SPATA6L: variants seen among roughly 807,000 people sequenced by gnomAD.
The protein encoded by SPATA6L is spermatogenesis associated 6-like protein.
In SPATA6L, 68 loss-of-function variants were observed where a neutral mutation model predicts 49.2. The ratio of observed to expected loss-of-function variants is 1.38; its 90% CI spans 1.14 to 1.69. The LOEUF is 1.69. Ranked by LOEUF, SPATA6L falls within the 40% of genes most tolerant of loss-of-function variation. The pLI is 0.00. For synonymous variants in SPATA6L, 198 were observed against 165.7 expected (o/e 1.19, Z -1.50); for missense variants, 668 against 464.3 (o/e 1.44, Z -4.03).
At chr9:4,607,777 C>G in intron 9 of SPATA6L, among the ~76,000 whole-genome samples, 1 of 152,068 alleles carries the variant, frequency 6.6e-6, no homozygotes, top group African/African-American at 2.4e-5. Context: ...ATGACAGGAT[C>G]AAATTCACAC....
At chr9:4,646,620 A>G in intron 3 of SPATA6L, 1 of 536,920 alleles carries the variant, frequency 1.9e-6, no homozygotes. Flanking sequence ...AAACCCACTT[A>G]ATAGTAATAA....
intron 9 of SPATA6L, among the ~76,000 whole-genome samples, chr9:4,607,428 A>G (rs1348056095): frequency 1.3e-5 from 2 of 152,238 alleles, no homozygotes; most frequent in Non-Finnish European, 2.9e-5. Flanking sequence ...GAAGCCCATC[A>G]GACTAACAGC....
chr9:4,645,406 A>G (rs945754660), intron 3 of SPATA6L, among the ~76,000 whole-genome samples: 3 of 152,194 alleles, frequency 2.0e-5, no homozygotes, highest in African/African-American at 7.2e-5. Context: ...GAGGCTGAGA[A>G]GTCCATGGTT....
At chr9:4,650,820 C>A (rs1332233832) in intron 3 of SPATA6L, among the ~76,000 whole-genome samples, 1 of 147,228 alleles carries the variant, frequency 6.8e-6, no homozygotes, top group African/African-American at 2.5e-5. Context: ...CCACCAAACC[C>A]AGCTTGTGTG....
rs190036903 is a variant in SPATA6L, at chr9:4,634,019, C to T, written c.351+1256G>A. Among the ~76,000 whole-genome samples the T allele has an allele frequency of 1.9e-3, 294 of 152,318 alleles. 1 individual carries two copies. The highest frequency in any genetic ancestry group is 6.6e-3 in the African/African-American group (275 of 41,572). On this transcript the variant is annotated intron_variant, in intron 4 of 11. Transcript: ENST00000682582. ...CTGCATTTATAAATAACTATAAATA[C>T]AACCTCCTATAGGTTATTTTTCCTA...
intron 13 of SPATA6L, among the ~76,000 whole-genome samples, chr9:4,590,220 G>C (rs1197466452): frequency 2.0e-5 from 3 of 152,164 alleles, no homozygotes; most frequent in African/African-American, 4.8e-5. Context: ...CACCGTGCCT[G>C]GCTGGGAACA....
intron 2 of SPATA6L, among the ~76,000 whole-genome samples, chr9:4,657,538 T>G (rs1838574824): frequency 6.6e-6 from 1 of 150,836 alleles, no homozygotes; most frequent in African/African-American, 2.5e-5. Flanking sequence ...AAACTGTTTT[T>G]TAAAAAAAAA....
chr9:4,644,111 C>T (rs768631938), intron 3 of SPATA6L, among the ~76,000 whole-genome samples: 5 of 134,444 alleles, frequency 3.7e-5, no homozygotes, highest in Non-Finnish European at 4.6e-5. Context: ...CTTTGGGTGG[C>T]CAAGGTGGGA....
Position 4,642,842 on chromosome 9 carries a change from C to T in SPATA6L, c.227-7443G>A, listed in dbSNP as rs1350468573. On this transcript the variant is annotated intron_variant, in intron 3 of 11. Transcript: ENST00000682582. ...AAAATCAACATTTATATCCAGACAT[C>T]ACTCCATAAGTAATCAAAGGACAGT... Among the ~76,000 whole-genome samples the T allele has an allele frequency of 2.4e-5, 3 of 127,548 alleles. No homozygotes were observed. In the East Asian group the frequency reaches 6.8e-4, roughly 29 times the overall value. 83.7% of individuals were successfully genotyped at this position (127,548 alleles called of 152,430 possible). A position where few individuals can be genotyped will look rare whatever the true frequency, so the allele number is the denominator to read the frequency against.
At position 4,607,431 on chromosome 9, in the gene SPATA6L, C is replaced by T. The variant is rs1425394536; in HGVS notation, c.996-1991G>A. On this transcript the variant is annotated intron_variant, in intron 9 of 11. Transcript: ENST00000682582. ...TACCCTCAAAGGGAAGCCCATCAGA[C>T]TAACAGCGGATCTCTTGGCAGAAAC... Among the ~76,000 whole-genome samples the T allele has an allele frequency of 2.0e-5, 3 of 152,310 alleles. No individual in the cohort carries two copies. The East Asian group carries it at 5.8e-4, about 29-fold the overall frequency.
intron 4 of SPATA6L, 52 bp from the exon 5 acceptor site, chr9:4,629,220 G>A (rs752851699): frequency 2.3e-6 from 3 of 1,277,980 alleles, no homozygotes; most frequent in Admixed American, 4.0e-5. Flanking sequence ...CAGTTCTTTA[G>A]CCATCTCCTT....
intron 2 of SPATA6L, 119 bp downstream of exon 2, chr9:4,661,780 C>A: frequency 7.3e-7 from 1 of 1,373,348 alleles, no homozygotes; most frequent in Non-Finnish European, 9.8e-7. Flanking sequence ...TGCTGAAGTG[C>A]TTTCGGATAA....
rs551335279 is a variant in SPATA6L at position 4,646,415 on chromosome 9, C to A, written c.226+9626G>T. The stretch of plus-strand genomic sequence containing the variant: ...CAAACACAACTCTTAAGTACAGTCC[C>A]CATTTTGACAGGCCAAATTTATTTT... On this transcript the variant is annotated intron_variant, in intron 3 of 11. Transcript: ENST00000682582. The A allele has an allele frequency of 6.8e-4, 715 of 1,045,178 alleles. 1 individual carries two copies. The highest frequency in any genetic ancestry group is 9.3e-4 in the Non-Finnish European group (681 of 733,218). The allele number at this position is 1,045,178 out of a possible 1,614,324, so 64.7% of individuals were successfully genotyped here.
chr9:4,636,003 C>T (rs1191303219), intron 3 of SPATA6L, among the ~76,000 whole-genome samples: 2 of 152,208 alleles, frequency 1.3e-5, no homozygotes. Context: ...TAATATTCTG[C>T]AAACATTCTT....
chr9:4,616,262 G>A (rs1038379034), intron 9 of SPATA6L, among the ~76,000 whole-genome samples: 2 of 151,932 alleles, frequency 1.3e-5, no homozygotes, highest in African/African-American at 2.4e-5. Flanking sequence ...GGGTGACAAA[G>A]CAAGACCCCA....
chr9:4,603,207 A>C (rs2130068718), intron 11 of SPATA6L, among the ~76,000 whole-genome samples: 1 of 152,282 alleles, frequency 6.6e-6, no homozygotes, highest in Admixed American at 6.5e-5. Flanking sequence ...TGAGGCAGGC[A>C]GATCACGAGG....
intron 3 of SPATA6L, among the ~76,000 whole-genome samples, chr9:4,639,563 A>T (rs762666761): frequency 5.9e-5 from 9 of 152,168 alleles, no homozygotes; most frequent in Non-Finnish European, 1.3e-4. Flanking sequence ...CAAGTGTGAA[A>T]ACGTCAGCAC....
At chr9:4,604,128 A>C in intron 11 of SPATA6L, 51 bp downstream of exon 11, 2 of 1,270,802 alleles carry the variant, frequency 1.6e-6, no homozygotes, top group Non-Finnish European at 2.2e-6. Context: ...TTCTTTTAGC[A>C]AACCAAGATA....
At chr9:4,663,042 A>G in intron 1 of SPATA6L, 1 of 1,613,610 alleles carries the variant, frequency 6.2e-7, no homozygotes, top group Non-Finnish European at 8.5e-7. Flanking sequence ...CCTGATGTCG[A>G]GGTTCATCCT....
Sources: allele counts gnomAD v4.1 joint callset (sites outside exome capture counted in the v4.1 genomes callset), GRCh38; gene constraint gnomAD v4.1.1; transcripts MANE v1.5; gene names NCBI Gene and HGNC (gene_info 2026-07-23, HGNC 2026-07-21).